MTX2: variants seen among roughly 807,000 people sequenced by gnomAD.
MTX2 encodes the protein metaxin 2.
In MTX2, 35 loss-of-function variants were observed where a neutral mutation model predicts 42.3. The ratio of observed to expected loss-of-function variants is 0.83; its 90% CI spans 0.63 to 1.10. The LOEUF is 1.10. Among genes scored for constraint, MTX2 ranks in the 50% least tolerant of loss-of-function variants. The pLI, the probability that MTX2 is intolerant of heterozygous loss-of-function variation, is 0.00. For synonymous variants in MTX2, 119 were observed against 100.9 expected (o/e 1.18, Z -1.08); for missense variants, 307 against 304.1 (o/e 1.01, Z -0.07).
At chr2:176,302,626 C>T (rs577357650) in intron 3 of MTX2, among the ~76,000 whole-genome samples, 17 of 151,952 alleles carry the variant, frequency 1.1e-4, no homozygotes, top group Admixed American at 3.9e-4. Context: ...TTAATAGAGA[C>T]GGGGTTTCAC....
chr2:176,336,392 A>C (rs1209288296), intron 9 of MTX2, among the ~76,000 whole-genome samples: 1 of 152,144 alleles, frequency 6.6e-6, no homozygotes, highest in Non-Finnish European at 1.5e-5. Context: ...AAATGTGGTA[A>C]AATTAAAGTT....
chr2:176,328,834 T>C, intron 6 of MTX2, 40 bp from the exon 7 acceptor site: 1 of 1,576,504 alleles, frequency 6.3e-7, no homozygotes, highest in East Asian at 2.3e-5. Flanking sequence ...CTTTTCCTCT[T>C]TGGTATTCTA....
chr2:176,270,506 T>G, intron 1 of MTX2: 1 of 940,776 alleles, frequency 1.1e-6, no homozygotes, highest in Non-Finnish European at 1.5e-6. Flanking sequence ...TAAACATAGG[T>G]ACTTTGAGAT....
chr2:176,283,015 T>G (rs1282193441), intron 1 of MTX2, among the ~76,000 whole-genome samples: 2 of 152,158 alleles, frequency 1.3e-5, no homozygotes. Flanking sequence ...CTAGTTTTAT[T>G]CTTCCAATAA....
intron 1 of MTX2, among the ~76,000 whole-genome samples, chr2:176,290,748 G>GTTTTT (rs575119364): frequency 7.4e-6 from 1 of 134,436 alleles, no homozygotes. Flanking sequence ...GGAATAACTA[G>GTTTTT]TTTTTTTTTT....
At position 176,275,965 on chromosome 2, in the gene MTX2, G is replaced by A. The variant is rs1692938194; in HGVS notation, c.40+6296G>A. On this transcript the variant is annotated intron_variant, in intron 1 of 9. Transcript: ENST00000249442. ...TTTTACACTTTCTATGGATTTTGAA[G>A]TGAAAGGTCTAACCTGGGTTCTTAT... Among the ~76,000 whole-genome samples, 3 of 152,244 alleles carry A rather than the reference G, an allele frequency of 2.0e-5. No homozygotes were observed. In the South Asian group the frequency reaches 6.2e-4, roughly 31 times the overall value.
Position 176,323,373 on chromosome 2 carries a change from T to G in MTX2, c.136-19T>G, listed in dbSNP as rs758469318. 1.2e-6 allele frequency: 2 copies of G among 1,601,880 alleles called. No individual in the cohort carries two copies. Among genetic ancestry groups the G allele is most frequent in the Non-Finnish European group, 1.7e-6 (2 of 1,170,268 alleles). On this transcript the variant is annotated intron_variant, in intron 3 of 9. Transcript: ENST00000249442. ...CATATGCTTTTTACTGGGCTTATTG[T>G]ATGTATCTTGATTTACAGGCCTTTT... is the stretch of plus-strand genomic sequence containing the variant.
rs557964050 is a variant in MTX2, at chr2:176,310,097, C to T, written c.135+12202C>T. Among the ~76,000 whole-genome samples the T allele has an allele frequency of 8.5e-5, 13 of 152,200 alleles. No homozygotes were observed. The South Asian group carries it at 1.9e-3, about 22-fold the overall frequency. ...CCTTCAGGAGCTCTTGTAAGGCAGGCCTGGTGGTGACAAACTCTCTCAGCA... is the reference window on the plus strand; with the variant it reads ...CCTTCAGGAGCTCTTGTAAGGCAGGTCTGGTGGTGACAAACTCTCTCAGCA... On this transcript the variant is annotated intron_variant, in intron 3 of 9. Transcript: ENST00000249442.
intron 3 of MTX2, among the ~76,000 whole-genome samples, chr2:176,321,834 C>T (rs1047981167): frequency 2.0e-5 from 3 of 151,952 alleles, no homozygotes; most frequent in East Asian, 1.9e-4. Flanking sequence ...AAGGAGAGAA[C>T]ATATGTGGCA....
intron 3 of MTX2, among the ~76,000 whole-genome samples, chr2:176,308,707 A>T (rs1269296405): frequency 6.6e-6 from 1 of 152,120 alleles, no homozygotes; most frequent in African/African-American, 2.4e-5. Flanking sequence ...CTCTGATGGT[A>T]GGTTGTATTT....
intron 3 of MTX2, among the ~76,000 whole-genome samples, chr2:176,314,279 T>C (rs924630869): frequency 5.3e-5 from 8 of 151,980 alleles, no homozygotes; most frequent in African/African-American, 1.9e-4. Context: ...CTACTAAAAA[T>C]ACAAAAAATT....
intron 3 of MTX2, among the ~76,000 whole-genome samples, chr2:176,316,323 G>T (rs1422420848): frequency 6.6e-6 from 1 of 152,176 alleles, no homozygotes; most frequent in Non-Finnish European, 1.5e-5. Flanking sequence ...TTCCAGAGGA[G>T]AAATGTCTTT....
At chr2:176,325,410 T>C (rs1485800587) in intron 4 of MTX2, among the ~76,000 whole-genome samples, 1 of 151,704 alleles carries the variant, frequency 6.6e-6, no homozygotes, top group Non-Finnish European at 1.5e-5. Flanking sequence ...ACTTCTAATT[T>C]GTTGTGTTTG....
intron 1 of MTX2, among the ~76,000 whole-genome samples, chr2:176,285,123 C>T (rs1421916147): frequency 6.6e-6 from 1 of 152,184 alleles, no homozygotes; most frequent in Non-Finnish European, 1.5e-5. Flanking sequence ...TGTAGAGCAA[C>T]ACTACTTGGG....
At chr2:176,312,863 C>CAAAAAA (rs557475003) in intron 3 of MTX2, among the ~76,000 whole-genome samples, 7 of 55,992 alleles carry the variant, frequency 1.3e-4, no homozygotes, top group Admixed American at 1.9e-4. Context: ...AATGCCATCT[C>CAAAAAA]AAAAAAAAAA....
At chr2:176,271,414 A>C (rs1438311071) in intron 1 of MTX2, among the ~76,000 whole-genome samples, 2 of 152,180 alleles carry the variant, frequency 1.3e-5, no homozygotes, top group Non-Finnish European at 2.9e-5. Context: ...TTGCCGAAAA[A>C]ATTTTAAAAC....
chr2:176,303,378 A>G (rs143367550), intron 3 of MTX2, among the ~76,000 whole-genome samples: 13 of 152,204 alleles, frequency 8.5e-5, no homozygotes, highest in African/African-American at 2.6e-4. Context: ...AAGCTAAGGG[A>G]TAAATAGAAT....
chr2:176,329,313 A>AG lies in MTX2; in HGVS notation c.432dup (p.Tyr145ValfsTer24). On this transcript the variant is annotated frameshift_variant, in exon 8 of 10. Transcript: ENST00000249442. LOFTEE classifies it high-confidence loss of function. The stretch of plus-strand genomic sequence containing the variant: ...CTTTTTACTTTAGATCACTCATGCT[A>AG]GGTATGGATCTCCTTACCCTTGGCC... 6.2e-7 allele frequency: 1 copy of AG among 1,605,552 alleles called. No homozygotes were observed. Among genetic ancestry groups the AG allele is most frequent in the Non-Finnish European group, 8.5e-7 (1 of 1,174,584 alleles).
chr2:176,269,531 G>A lies in MTX2; in HGVS notation c.-99G>A. On this transcript the variant is annotated 5_prime_UTR_variant, in exon 1 of 10. Coordinates refer to ENST00000249442, the MANE Select transcript of MTX2 (RefSeq NM_006554.5). ...GGCTTTGCGAGTCTGAACGTTGGCG[G>A]GGCTAGGCTCGTTAACTGCCGAGAG... 1 of 1,345,584 alleles carries A rather than the reference G, an allele frequency of 7.4e-7. No homozygotes were observed. The highest frequency in any genetic ancestry group is 1.0e-6 in the Non-Finnish European group (1 of 999,836). 83.4% of individuals were successfully genotyped at this position (1,345,584 alleles called of 1,614,324 possible). A position where few individuals can be genotyped will look rare whatever the true frequency, so the allele number is the denominator to read the frequency against.
Sources: gnomAD v4.1 joint callset for allele counts (sites outside exome capture counted in the v4.1 genomes callset) on GRCh38, gnomAD v4.1.1 for gene constraint, MANE v1.5 for transcripts, NCBI Gene and HGNC (gene_info 2026-07-23, HGNC 2026-07-21) for gene names.